The following ADAM22 variants were observed in gnomAD, a reference collection of about 807,000 sequenced individuals.
The protein encoded by ADAM22 is ADAM metallopeptidase domain 22, also known as disintegrin and metalloproteinase domain-containing protein 22.
In ADAM22, 65 loss-of-function variants were observed where a neutral mutation model predicts 144.6. The observed-to-expected ratio is 0.45, with a 90% CI of 0.37 to 0.55. The LOEUF (loss-of-function observed/expected upper bound fraction) is 0.55, where lower values mean the gene tolerates loss of function less well. Ranked by LOEUF, ADAM22 falls within the 20% of genes least tolerant of loss-of-function variation. The pLI, the probability that ADAM22 is intolerant of heterozygous loss-of-function variation, is 0.00. For missense variants in ADAM22, 974 were observed against 1,184.9 expected (o/e 0.82, Z 2.61); for synonymous variants, 391 against 412.6 (o/e 0.95, Z 0.63).
chr7:88,139,870 G>A lies in ADAM22; in HGVS notation c.1221-3156G>A, dbSNP rs769027737. On this transcript the variant is annotated intron_variant, in intron 14 of 31. Coordinates refer to ENST00000413139, the MANE Select transcript of ADAM22 (RefSeq NM_001324418.2). ...TCAATCTGATTGGATACTGGATCCT[G>A]TCATTCAGTGTATATTAGTTTGTTT... Among the ~76,000 whole-genome samples the A allele has an allele frequency of 2.0e-5, 3 of 152,158 alleles. No homozygotes were observed. The South Asian group carries it at 6.2e-4, about 32-fold the overall frequency.
chr7:88,148,899 ATTTTG>A (rs1942644611), intron 17 of ADAM22, 73 bp from the exon 18 acceptor site: 14 of 1,128,636 alleles, frequency 1.2e-5, no homozygotes, highest in Non-Finnish European at 2.6e-6. Context: ...AACAATTTTC[ATTTTG>A]TTTTTTTTAG....
rs1850982399 is a variant in ADAM22, at chr7:88,199,307, C to CG, written c.*2816_*2817insG. 1 of 151,490 alleles carries CG rather than the reference C, an allele frequency of 6.6e-6. No individual in the cohort carries two copies. Among genetic ancestry groups the CG allele is most frequent in the Admixed American group, 6.6e-5 (1 of 15,156 alleles). The allele number at this position is 151,490 out of a possible 1,614,324, so 9.4% of individuals were successfully genotyped here. A position where few individuals can be genotyped will look rare whatever the true frequency, so the allele number is the denominator to read the frequency against. ...TTGGCCTTTATGTTCCATTGTATGC[C>CG]TTTTTCCCCTCTTCCAGTTTTATGC... On this transcript the variant is annotated 3_prime_UTR_variant, in exon 32 of 32. Transcript: ENST00000413139.
At chr7:88,011,808 A>G (rs1795498578) in intron 3 of ADAM22, among the ~76,000 whole-genome samples, 1 of 150,274 alleles carries the variant, frequency 6.7e-6, no homozygotes, top group South Asian at 2.1e-4. Context: ...TGCAGTTTGA[A>G]TGATACACCT....
chr7:88,196,205 C>T (rs557134654), intron 31 of ADAM22, among the ~76,000 whole-genome samples: 1 of 152,116 alleles, frequency 6.6e-6, no homozygotes, highest in Non-Finnish European at 1.5e-5. Flanking sequence ...TGACTCTATT[C>T]AAAATGTTTA....
intron 3 of ADAM22, among the ~76,000 whole-genome samples, chr7:88,043,089 C>A (rs1803555965): frequency 6.6e-6 from 1 of 151,852 alleles, no homozygotes; most frequent in Non-Finnish European, 1.5e-5. Flanking sequence ...TTCAAATCTG[C>A]AGCTTCAAAC....
chr7:88,006,772 A>G (rs1416605901), intron 3 of ADAM22, among the ~76,000 whole-genome samples: 1 of 150,492 alleles, frequency 6.6e-6, no homozygotes, highest in East Asian at 2.0e-4. Flanking sequence ...AGAGCTGTCT[A>G]TGACAAACCC....
At chr7:88,144,803 ACT>A in intron 15 of ADAM22, among the ~76,000 whole-genome samples, 1 of 151,988 alleles carries the variant, frequency 6.6e-6, no homozygotes, top group South Asian at 2.1e-4. Flanking sequence ...TTCAGGAGAG[ACT>A]CTGGCTTGAT....
intron 3 of ADAM22, among the ~76,000 whole-genome samples, chr7:88,022,023 C>T (rs1797947774): frequency 6.6e-6 from 1 of 151,876 alleles, no homozygotes; most frequent in Non-Finnish European, 1.5e-5. Context: ...CAGACATGTA[C>T]CACCATGCCT....
At chr7:88,193,320 C>G in intron 31 of ADAM22, 81 bp downstream of exon 31, 2 of 1,440,796 alleles carry the variant, frequency 1.4e-6, no homozygotes, top group East Asian at 2.5e-5. Context: ...AAGAGAGAAC[C>G]ATTTTTCCTC....
intron 4 of ADAM22, among the ~76,000 whole-genome samples, chr7:88,102,237 CAT>C (rs899471903): frequency 8.5e-5 from 13 of 152,262 alleles, no homozygotes; most frequent in Admixed American, 3.9e-4. Context: ...CAGATTTGAT[CAT>C]CAAAATCATG....
At chr7:88,151,848 G>C (rs997242420) in intron 20 of ADAM22, among the ~76,000 whole-genome samples, 1 of 152,048 alleles carries the variant, frequency 6.6e-6, no homozygotes, top group Non-Finnish European at 1.5e-5. Context: ...TTAATGTTTA[G>C]CCTTTAAAGT....
At chr7:88,069,822 T>G (rs1585414269) in intron 3 of ADAM22, among the ~76,000 whole-genome samples, 2 of 152,120 alleles carry the variant, frequency 1.3e-5, no homozygotes, top group Middle Eastern at 6.8e-3. Flanking sequence ...GTTCAAAAAG[T>G]GGGAAATAGC....
intron 3 of ADAM22, among the ~76,000 whole-genome samples, chr7:87,991,733 CT>C (rs1789949924): frequency 6.6e-6 from 1 of 152,158 alleles, no homozygotes; most frequent in Non-Finnish European, 1.5e-5. Flanking sequence ...AATTCTTTGA[CT>C]TTTGGGAGGA....
rs1851216105 is a variant in ADAM22 at position 88,201,712 on chromosome 7, T to C, written c.*5221T>C. 1 of 152,220 alleles carries C rather than the reference T, an allele frequency of 6.6e-6. No homozygotes were observed. Among genetic ancestry groups the C allele is most frequent in the South Asian group, 2.1e-4 (1 of 4,834 alleles). 9.4% of individuals were successfully genotyped at this position (152,220 alleles called of 1,614,324 possible). A position where few individuals can be genotyped will look rare whatever the true frequency, so the allele number is the denominator to read the frequency against. On this transcript the variant is annotated 3_prime_UTR_variant, in exon 32 of 32. Coordinates refer to ENST00000413139, the MANE Select transcript of ADAM22 (RefSeq NM_001324418.2). The stretch of plus-strand genomic sequence containing the variant: ...GTAATCATCATTCCATGTTCCTACG[T>C]ATCCTTGAAATCAAAACCAGGCAAT...
chr7:87,947,814 A>T (rs1340954408), intron 2 of ADAM22, among the ~76,000 whole-genome samples: 1 of 152,174 alleles, frequency 6.6e-6, no homozygotes, highest in Non-Finnish European at 1.5e-5. Flanking sequence ...ATTTTAATTT[A>T]ATTACACGCA....
chr7:88,119,215 A>C (rs1428865977), intron 7 of ADAM22, among the ~76,000 whole-genome samples: 1 of 152,206 alleles, frequency 6.6e-6, no homozygotes, highest in Non-Finnish European at 1.5e-5. Context: ...GAAATATAAA[A>C]GTCTTGTGTA....
intron 3 of ADAM22, among the ~76,000 whole-genome samples, chr7:87,991,277 C>T (rs1789764768): frequency 6.6e-6 from 1 of 151,502 alleles, no homozygotes; most frequent in South Asian, 2.1e-4. Context: ...CTTCATTTCC[C>T]TATTTCAGTT....
intron 14 of ADAM22, among the ~76,000 whole-genome samples, 173 bp downstream of exon 14, chr7:88,136,204 C>A (rs1014529140): frequency 2.0e-5 from 3 of 152,024 alleles, no homozygotes; most frequent in Admixed American, 6.6e-5. Context: ...GTTGGTAGAC[C>A]TCAAAGATTT....
Position 87,951,461 on chromosome 7 carries a change from C to T in ADAM22, c.246+16275C>T, listed in dbSNP as rs1234565202. Among the ~76,000 whole-genome samples, 10 of 91,914 alleles carry T rather than the reference C, an allele frequency of 1.1e-4. 2 individuals carry two copies. Among genetic ancestry groups the T allele is most frequent in the African/African-American group, 3.1e-4 (5 of 15,928 alleles). 60.3% of individuals were successfully genotyped at this position (91,914 alleles called of 152,430 possible). On this transcript the variant is annotated intron_variant, in intron 2 of 31. Transcript: ENST00000413139. The stretch of plus-strand genomic sequence containing the variant: ...AGATCAGATAGTTGTAGAAATGCAG[C>T]GTTATTTCTGAGGGCTCTGTTCTGT...
Sources: gnomAD v4.1 joint callset for allele counts (sites outside exome capture counted in the v4.1 genomes callset) on GRCh38, gnomAD v4.1.1 for gene constraint, MANE v1.5 for transcripts, NCBI Gene and HGNC (gene_info 2026-07-23, HGNC 2026-07-21) for gene names.